RNF170: variants seen among roughly 807,000 people sequenced by gnomAD.
The protein encoded by RNF170 is E3 ubiquitin-protein ligase RNF170.
RNF170 carries 12 observed loss-of-function variants against 32.7 expected under a neutral mutation model. The ratio of observed to expected loss-of-function variants is 0.37; its 90% CI spans 0.24 to 0.60. The LOEUF (loss-of-function observed/expected upper bound fraction) is 0.60. Among genes scored for constraint, RNF170 ranks in the 20% least tolerant of loss-of-function variants. The probability of loss-of-function intolerance (pLI) is 0.72; values close to 1 mark genes in which losing one functional copy is unlikely to be tolerated. For missense variants in RNF170, 212 were observed against 311.2 expected (o/e 0.68, Z 2.40); for synonymous variants, 91 against 103.6 (o/e 0.88, Z 0.74).
At chr8:42,850,204 T>C (rs539872840), downstream of RNF170, 288 of 158,112 alleles carry the variant, frequency 1.8e-3, no homozygotes, top group Non-Finnish European at 2.8e-3. Flanking sequence ...TGGGGACAAA[T>C]GTGAGATGAG....
intron 5 of RNF170, 49 bp downstream of exon 5, chr8:42,865,367 G>C (rs764949628): frequency 1.2e-5 from 17 of 1,413,094 alleles, no homozygotes; most frequent in Non-Finnish European, 1.5e-5. Context: ...CTATAAAAAT[G>C]TACAAAATAA....
At chr8:42,859,807 CCTGA>C (rs1245731484) in intron 6 of RNF170, among the ~76,000 whole-genome samples, 2 of 152,106 alleles carry the variant, frequency 1.3e-5, no homozygotes, top group Non-Finnish European at 2.9e-5. Flanking sequence ...CACCACCGTG[CCTGA>C]CTAATTTTTG....
intron 1 of RNF170, among the ~76,000 whole-genome samples, chr8:42,892,451 T>C (rs1163037973): frequency 1.3e-5 from 2 of 152,132 alleles, no homozygotes; most frequent in Non-Finnish European, 2.9e-5. Context: ...AGGCGTGAGG[T>C]AGCACGCCCA....
upstream of RNF170, chr8:42,896,628 C>T (rs1357330772): frequency 2.2e-6 from 1 of 453,184 alleles, no homozygotes; most frequent in African/African-American, 2.0e-5. Flanking sequence ...ACGCGCACTG[C>T]CGAGCTTCCG....
intron 3 of RNF170, among the ~76,000 whole-genome samples, chr8:42,873,677 A>G (rs542816382): frequency 1.3e-5 from 2 of 152,346 alleles, no homozygotes; most frequent in Non-Finnish European, 2.9e-5. Flanking sequence ...AATTATTTCT[A>G]CACTAATAAA....
In RNF170 at chr8:42,861,780, CATT is replaced by C; in HGVS notation, c.469_471del (p.Asn157del). 6.2e-7 allele frequency: 1 copy of C among 1,613,726 alleles called. No homozygotes were observed. The highest frequency in any genetic ancestry group is 8.5e-7 in the Non-Finnish European group (1 of 1,179,792). ...TGCCCTGAGAATCTCCGGTTATAAT[CATT>C]AATATCCTGATGCAATCTCAGAACA... is the stretch of plus-strand genomic sequence containing the variant. On this transcript the variant is annotated inframe_deletion, in exon 6 of 7. Transcript: ENST00000527424.
Position 42,856,132 on chromosome 8 carries a change from CTAG to C in RNF170, c.*24_*26del. On this transcript the variant is annotated 3_prime_UTR_variant, in exon 7 of 7. Coordinates refer to ENST00000527424, the MANE Select transcript of RNF170 (RefSeq NM_030954.4). ...GATGTTCTACATTAGCTCAGATATC[CTAG>C]TAAACTCAGTTTTGTTTTCTTTTTC... The C allele has an allele frequency of 6.2e-7, 1 of 1,610,982 alleles. No homozygotes were observed. Among genetic ancestry groups the C allele is most frequent in the Admixed American group, 1.7e-5 (1 of 59,978 alleles).
chr8:42,897,043 G>A (rs1464626711), upstream of RNF170: 2 of 1,032,250 alleles, frequency 1.9e-6, no homozygotes, highest in East Asian at 3.3e-5. Flanking sequence ...GCCTGAGGCC[G>A]AGTCAGCTGC....
chr8:42,896,347 C>G (rs1337251190), intron 1 of RNF170, 137 bp downstream of exon 1: 1 of 413,314 alleles, frequency 2.4e-6, no homozygotes, highest in Non-Finnish European at 4.8e-6. Context: ...GGGAGGGGCC[C>G]GGGGGGAAGG....
intron 2 of RNF170, among the ~76,000 whole-genome samples, chr8:42,885,044 G>A (rs1399195554): frequency 6.6e-6 from 1 of 150,478 alleles, no homozygotes; most frequent in Non-Finnish European, 1.5e-5. Context: ...ACTTTGCGCT[G>A]TTAGACTATC....
chr8:42,896,410 G>A (rs1375219862), intron 1 of RNF170, 74 bp downstream of exon 1: 4 of 450,628 alleles, frequency 8.9e-6, no homozygotes, highest in South Asian at 1.6e-5. Flanking sequence ...GCTACCCCAA[G>A]AAGGCCAGAC....
Position 42,854,066 on chromosome 8 carries a change from C to T in RNF170, c.*2093G>A, listed in dbSNP as rs1429373470. On this transcript the variant is annotated 3_prime_UTR_variant, in exon 7 of 7. Transcript: ENST00000527424. ...TGGTACATGGCAGTGTGACAAACTC[C>T]TACTCACTCGCTTTTCAAGTTGGTG... 12 of 1,287,086 alleles carry T rather than the reference C, an allele frequency of 9.3e-6. No homozygotes were observed. Among genetic ancestry groups the T allele is most frequent in the Non-Finnish European group, 1.2e-5 (12 of 988,688 alleles). The allele number at this position is 1,287,086 out of a possible 1,614,324, so 79.7% of individuals were successfully genotyped here.
At position 42,887,796 on chromosome 8, in the gene RNF170, G is replaced by A. The variant is rs767908496; in HGVS notation, c.69C>T (p.Ser23=). The change falls in exon 2 of 7, where the codon AGC becomes AGT. Residue 23 remains serine, a synonymous_variant. Transcript: ENST00000527424. ...LDDDSVIEGV[S]DQVLVAVVVS... is the part of the protein sequence containing the mutation. ...CCACAACTGCCACAAGTACTTGGTC[G>A]CTTACTCCTTCTATAACTGAATCAT... The A allele has an allele frequency of 4.3e-6, 7 of 1,613,168 alleles. No individual in the cohort carries two copies. The South Asian group carries it at 6.6e-5, about 15-fold the overall frequency.
chr8:42,893,316 T>G, intron 1 of RNF170, among the ~76,000 whole-genome samples: 1 of 152,194 alleles, frequency 6.6e-6, no homozygotes, highest in East Asian at 1.9e-4. Flanking sequence ...TGTTTAAGAT[T>G]CACAAAAACT....
At chr8:42,863,992 T>A (rs1229055204) in intron 5 of RNF170, among the ~76,000 whole-genome samples, 3,984 of 148,136 alleles carry the variant, frequency 0.027, 182 homozygotes, top group African/African-American at 0.094. Flanking sequence ...TGTGTGTGTG[T>A]GTGTGTGTGT....
chr8:42,888,431 GT>G (rs1806014519), intron 1 of RNF170, among the ~76,000 whole-genome samples: 1 of 150,510 alleles, frequency 6.6e-6, no homozygotes, highest in Non-Finnish European at 1.5e-5. Flanking sequence ...TTTTAAAAAT[GT>G]TTTTTCCTCT....
chr8:42,873,734 CATG>C (rs1804696062), intron 3 of RNF170, among the ~76,000 whole-genome samples, 194 bp downstream of exon 3: 1 of 152,134 alleles, frequency 6.6e-6, no homozygotes, highest in Non-Finnish European at 1.5e-5. Flanking sequence ...AATAAACAAA[CATG>C]AAGACATCTG....
chr8:42,876,592 G>A (rs1020051948), intron 2 of RNF170, among the ~76,000 whole-genome samples: 4 of 150,994 alleles, frequency 2.6e-5, no homozygotes, highest in Admixed American at 6.6e-5. Context: ...CCAGCCTCTC[G>A]AACTGTGAGA....
intron 1 of RNF170, among the ~76,000 whole-genome samples, chr8:42,892,691 T>TA (rs1255181546): frequency 6.6e-6 from 1 of 151,230 alleles, no homozygotes. Context: ...TTTTTTTTTT[T>TA]AAACCCTAGA....
Sources: allele counts gnomAD v4.1 joint callset (sites outside exome capture counted in the v4.1 genomes callset), GRCh38; gene constraint gnomAD v4.1.1; transcripts MANE v1.5; gene names NCBI Gene and HGNC (gene_info 2026-07-23, HGNC 2026-07-21).